The following KIRREL3 variants were observed in gnomAD, a reference collection of about 807,000 sequenced individuals.
KIRREL3 encodes the protein kirre like nephrin family adhesion molecule 3.
In KIRREL3, 36 loss-of-function variants were observed where a neutral mutation model predicts 89.7. The ratio of observed to expected loss-of-function variants is 0.40; its 90% CI spans 0.31 to 0.53. The LOEUF (loss-of-function observed/expected upper bound fraction) is 0.53, where lower values mean the gene tolerates loss of function less well. Among genes scored for constraint, KIRREL3 ranks in the 20% least tolerant of loss-of-function variants. The probability of loss-of-function intolerance (pLI) is 0.49; values close to 1 mark genes in which losing one functional copy is unlikely to be tolerated. For synonymous variants in KIRREL3, 445 were observed against 441.4 expected (o/e 1.01, Z -0.10); for missense variants, 864 against 1,056.6 (o/e 0.82, Z 2.53).
intron 1 of KIRREL3, among the ~76,000 whole-genome samples, chr11:126,818,833 G>A (rs1489666563): frequency 6.6e-6 from 1 of 151,630 alleles, no homozygotes; most frequent in African/African-American, 2.4e-5. Context: ...CTGCAGCTTG[G>A]TCTCTGGTTT....
chr11:126,945,932 T>C (rs1179145301), intron 1 of KIRREL3, among the ~76,000 whole-genome samples: 1 of 152,218 alleles, frequency 6.6e-6, no homozygotes. Context: ...CATTGCCTCA[T>C]TCATGCATTC....
At chr11:126,437,612 G>A (rs1360123672) in intron 11 of KIRREL3, among the ~76,000 whole-genome samples, 1 of 151,898 alleles carries the variant, frequency 6.6e-6, no homozygotes, top group Non-Finnish European at 1.5e-5. Context: ...ACACATCACA[G>A]TACATGCACA....
chr11:126,441,320 C>G lies in KIRREL3; in HGVS notation c.1253-771G>C, dbSNP rs1955554676. ...GTTCTGAGAGCGCCTGTCTCATTCA[C>G]CACATTGCACAGCCAAGAGAGTTCA... On this transcript the variant is annotated intron_variant, in intron 10 of 16. Coordinates refer to ENST00000525144, the MANE Select transcript of KIRREL3 (RefSeq NM_032531.4). The surrounding 1 kb of genome is among the most constrained non-coding windows in gnomAD (Gnocchi z 5.0). 6.6e-6 allele frequency among the ~76,000 whole-genome samples: 1 copy of G among 152,240 alleles called. No individual in the cohort carries two copies. Among genetic ancestry groups the G allele is most frequent in the Non-Finnish European group, 1.5e-5 (1 of 68,042 alleles).
intron 1 of KIRREL3, among the ~76,000 whole-genome samples, chr11:126,865,702 T>C (rs1423465406): frequency 2.0e-5 from 3 of 152,258 alleles, no homozygotes; most frequent in South Asian, 2.1e-4. Flanking sequence ...TCTCTGTTTC[T>C]GTCTATTTTG....
At chr11:126,667,293 C>T (rs932458726) in intron 1 of KIRREL3, among the ~76,000 whole-genome samples, 1 of 152,240 alleles carries the variant, frequency 6.6e-6, no homozygotes, top group Non-Finnish European at 1.5e-5. Context: ...ACTGTACACA[C>T]ACAGTTGGAT....
At chr11:126,959,070 G>A (rs1361088008) in intron 1 of KIRREL3, among the ~76,000 whole-genome samples, 1 of 151,866 alleles carries the variant, frequency 6.6e-6, no homozygotes, top group Non-Finnish European at 1.5e-5. Context: ...TGAATAAGAG[G>A]GTACTCTTCC....
rs1946214091 is a variant in KIRREL3, at chr11:126,897,509, C to G, written c.55+102946G>C. ...CTGTCAACCCCATCTAACACCACCC[C>G]CAAAAGGAGTAGAACAGGAAACCAG... On this transcript the variant is annotated intron_variant, in intron 1 of 16. Coordinates refer to ENST00000525144, the MANE Select transcript of KIRREL3 (RefSeq NM_032531.4). This position sits in a 1 kb window ranked among gnomAD's most constrained non-coding sequence, Gnocchi z 4.2. Among the ~76,000 whole-genome samples the G allele has an allele frequency of 6.6e-6, 1 of 152,130 alleles. No homozygotes were observed. Among genetic ancestry groups the G allele is most frequent in the Non-Finnish European group, 1.5e-5 (1 of 68,028 alleles).
At chr11:126,548,079 C>A (rs1032658108) in intron 2 of KIRREL3, among the ~76,000 whole-genome samples, 18 of 152,188 alleles carry the variant, frequency 1.2e-4, no homozygotes, top group Non-Finnish European at 1.5e-5. Flanking sequence ...CTCCATCTCT[C>A]TTCCCCTGCT....
In KIRREL3 at chr11:126,891,187, G is replaced by T. The variant is rs537339223; in HGVS notation, c.55+109268C>A. On this transcript the variant is annotated intron_variant, in intron 1 of 16. Transcript: ENST00000525144. The surrounding 1 kb of genome is among the most constrained non-coding windows in gnomAD (Gnocchi z 5.1). ...GCCACAGTGGAAACATCTGAGAAGC[G>T]TCCCAAGATACTGCAAATTATAAAG... is the stretch of plus-strand genomic sequence containing the variant. 3.9e-5 allele frequency among the ~76,000 whole-genome samples: 6 copies of T among 152,214 alleles called. No homozygotes were observed. The South Asian group carries it at 6.2e-4, about 16-fold the overall frequency.
At chr11:126,762,545 A>G (rs76802446) in intron 1 of KIRREL3, among the ~76,000 whole-genome samples, 3,637 of 152,210 alleles carry the variant, frequency 0.024, 139 homozygotes, top group African/African-American at 0.082. Flanking sequence ...GGCTGTGTAA[A>G]ACTTCCAGAT....
rs1406620679 is a variant in KIRREL3, at chr11:126,639,706, C to G, written c.56-76794G>C. Among the ~76,000 whole-genome samples, 1 of 152,100 alleles carries G rather than the reference C, an allele frequency of 6.6e-6. No individual in the cohort carries two copies. The highest frequency in any genetic ancestry group is 2.4e-5 in the African/African-American group (1 of 41,414). On this transcript the variant is annotated intron_variant, in intron 1 of 16. Transcript: ENST00000525144. This position sits in a 1 kb window ranked among gnomAD's most constrained non-coding sequence, Gnocchi z 4.3. ...TTGATTTTGTTCAAATATATTGGGC[C>G]CATCAATCACCCACTTTCCAACTCA... is the stretch of plus-strand genomic sequence containing the variant.
Position 126,903,503 on chromosome 11 carries a change from C to A in KIRREL3, c.55+96952G>T, listed in dbSNP as rs1407592303. On this transcript the variant is annotated intron_variant, in intron 1 of 16. Transcript: ENST00000525144. This position sits in a 1 kb window ranked among gnomAD's most constrained non-coding sequence, Gnocchi z 4.5. ...CAAGGAGAGCTGAGCGTTTTTCCGA[C>A]TTAGCTTTTCTTTCTCTAACCCTTT... 1.3e-5 allele frequency among the ~76,000 whole-genome samples: 2 copies of A among 152,182 alleles called. No individual in the cohort carries two copies. The highest frequency in any genetic ancestry group is 6.5e-5 in the Admixed American group (1 of 15,276).
chr11:126,624,906 T>G lies in KIRREL3; in HGVS notation c.56-61994A>C, dbSNP rs1415933457. ...TACCATCAGTAAGGATGGTGGAAAT[T>G]GGGGTGGGGCAGGGACTGCTGATGG... is the stretch of plus-strand genomic sequence containing the variant. On this transcript the variant is annotated intron_variant, in intron 1 of 16. Coordinates refer to ENST00000525144, the MANE Select transcript of KIRREL3 (RefSeq NM_032531.4). This position sits in a 1 kb window ranked among gnomAD's most constrained non-coding sequence, Gnocchi z 6.0. Among the ~76,000 whole-genome samples the G allele has an allele frequency of 6.6e-6, 1 of 152,044 alleles. No homozygotes were observed. The highest frequency in any genetic ancestry group is 1.9e-4 in the East Asian group (1 of 5,170).
In KIRREL3 at chr11:126,870,574, A is replaced by C. The variant is rs376881575; in HGVS notation, c.55+129881T>G. Among the ~76,000 whole-genome samples, 20 of 152,256 alleles carry C rather than the reference A, an allele frequency of 1.3e-4. No individual in the cohort carries two copies. The East Asian group carries it at 3.9e-3, about 29-fold the overall frequency. ...TCCCATAGTGGCCCCTCCTGGCTCC[A>C]CCATACCCTCACCATGCCAGGCTTG... is the stretch of plus-strand genomic sequence containing the variant. On this transcript the variant is annotated intron_variant, in intron 1 of 16. Coordinates refer to ENST00000525144, the MANE Select transcript of KIRREL3 (RefSeq NM_032531.4). The surrounding 1 kb of genome is among the most constrained non-coding windows in gnomAD (Gnocchi z 4.4).
rs1419797389 is a variant in KIRREL3, at chr11:126,870,253, C to A, written c.55+130202G>T. Among the ~76,000 whole-genome samples the A allele has an allele frequency of 2.6e-5, 4 of 152,180 alleles. No individual in the cohort carries two copies. The highest frequency in any genetic ancestry group is 5.9e-5 in the Non-Finnish European group (4 of 68,018). On this transcript the variant is annotated intron_variant, in intron 1 of 16. Coordinates refer to ENST00000525144, the MANE Select transcript of KIRREL3 (RefSeq NM_032531.4). This position sits in a 1 kb window ranked among gnomAD's most constrained non-coding sequence, Gnocchi z 4.4. Reference sequence around the variant, plus strand: ...ATATTCTGCCAGGGACCACACTGAACACCCTCCTCAAGATGCCAGGGCTGC... The same window carrying A: ...ATATTCTGCCAGGGACCACACTGAAAACCCTCCTCAAGATGCCAGGGCTGC...
chr11:126,425,062 G>A (rs1320847156), intron 16 of KIRREL3, 39 bp from the exon 17 acceptor site: 2 of 1,464,692 alleles, frequency 1.4e-6, no homozygotes, highest in South Asian at 1.4e-5. Context: ...ACCTGGTGGA[G>A]TCTCCACTGA....
Position 126,719,289 on chromosome 11 carries a change from C to T in KIRREL3, c.56-156377G>A, listed in dbSNP as rs1948083077. ...GTCAACTCCTTGTTGACACAAATGGCCAGCTCTTCTGTTTGAACGCCTTCT... is the reference window on the plus strand; with the variant it reads ...GTCAACTCCTTGTTGACACAAATGGTCAGCTCTTCTGTTTGAACGCCTTCT... On this transcript the variant is annotated intron_variant, in intron 1 of 16. Coordinates refer to ENST00000525144, the MANE Select transcript of KIRREL3 (RefSeq NM_032531.4). This position sits in a 1 kb window ranked among gnomAD's most constrained non-coding sequence, Gnocchi z 4.7. Among the ~76,000 whole-genome samples, 1 of 152,188 alleles carries T rather than the reference C, an allele frequency of 6.6e-6. No homozygotes were observed. Among genetic ancestry groups the T allele is most frequent in the Non-Finnish European group, 1.5e-5 (1 of 68,030 alleles).
At chr11:126,971,409 G>A (rs905533152) in intron 1 of KIRREL3, among the ~76,000 whole-genome samples, 7 of 152,192 alleles carry the variant, frequency 4.6e-5, no homozygotes, top group Admixed American at 1.3e-4. Flanking sequence ...GTGTGAAAAT[G>A]AGAGTTGTAG....
At position 126,463,468 on chromosome 11, in the gene KIRREL3, G is replaced by A. The variant is rs963446665; in HGVS notation, c.592-161C>T. Among the ~76,000 whole-genome samples, 6 of 152,228 alleles carry A rather than the reference G, an allele frequency of 3.9e-5. No homozygotes were observed. The highest frequency in any genetic ancestry group is 1.9e-4 in the East Asian group (1 of 5,194). On this transcript the variant is annotated intron_variant, in intron 5 of 16. Coordinates refer to ENST00000525144, the MANE Select transcript of KIRREL3 (RefSeq NM_032531.4). This position sits in a 1 kb window ranked among gnomAD's most constrained non-coding sequence, Gnocchi z 5.9. ...GGCTGCCCATGTCTACGCAGAGCTCGGGGGTTACCCCCTGGCTCCCTGGCC... is the reference window on the plus strand; with the variant it reads ...GGCTGCCCATGTCTACGCAGAGCTCAGGGGTTACCCCCTGGCTCCCTGGCC...
Sources: allele counts gnomAD v4.1 joint callset (sites outside exome capture counted in the v4.1 genomes callset), GRCh38; gene constraint gnomAD v4.1.1; non-coding constraint Gnocchi (gnomAD v3.1); transcripts MANE v1.5; gene names NCBI Gene and HGNC (gene_info 2026-07-23, HGNC 2026-07-21).